The following RPSA2 variants were observed in gnomAD, a reference collection of about 807,000 sequenced individuals.
RPSA2 encodes the protein small ribosomal subunit protein uS2B.
At chr19:23,816,628 T>A in the RPSA2 span, among the ~76,000 whole-genome samples, 1 of 152,340 alleles carries the variant, frequency 6.6e-6, no homozygotes, top group Admixed American at 6.5e-5. Flanking sequence ...ATCTTTATAA[T>A]CATGTTGTCT....
the RPSA2 span, among the ~76,000 whole-genome samples, chr19:23,767,883 C>T: frequency 1.3e-5 from 2 of 150,666 alleles, no homozygotes; most frequent in South Asian, 4.2e-4. Flanking sequence ...TCTCCTGCCT[C>T]AGCCTCCTGA....
the RPSA2 span, among the ~76,000 whole-genome samples, chr19:23,862,363 C>A: frequency 4.0e-5 from 6 of 151,428 alleles, no homozygotes; most frequent in African/African-American, 1.2e-4. Flanking sequence ...ATTGAATACC[C>A]TTTATTTCCT....
the RPSA2 span, among the ~76,000 whole-genome samples, chr19:23,828,997 A>G: frequency 3.3e-5 from 5 of 151,864 alleles, no homozygotes; most frequent in African/African-American, 4.8e-5. Flanking sequence ...CTGTGAATGA[A>G]TCTATTATTT....
At chr19:23,863,483 G>A in the RPSA2 span, among the ~76,000 whole-genome samples, 3 of 148,090 alleles carry the variant, frequency 2.0e-5, no homozygotes, top group Non-Finnish European at 4.4e-5. Flanking sequence ...AGAATCGCTT[G>A]AACTCAGGAG....
chr19:23,785,750 T>G, the RPSA2 span, among the ~76,000 whole-genome samples: 4 of 152,158 alleles, frequency 2.6e-5, no homozygotes, highest in African/African-American at 7.2e-5. Context: ...GTAAAATATA[T>G]TTTGGTCTAG....
chr19:23,869,718 G>A, the RPSA2 span, among the ~76,000 whole-genome samples: 1 of 152,150 alleles, frequency 6.6e-6, no homozygotes, highest in African/African-American at 2.4e-5. Flanking sequence ...TTCCTCAGTG[G>A]CATTATCTAG....
chr19:23,846,409 A>G, the RPSA2 span, among the ~76,000 whole-genome samples: 2 of 152,104 alleles, frequency 1.3e-5, no homozygotes, highest in African/African-American at 4.8e-5. Flanking sequence ...GTGGTTTAAT[A>G]AAATTATGTC....
chr19:23,767,761 GTTTTT>G, the RPSA2 span, among the ~76,000 whole-genome samples: 1 of 73,098 alleles, frequency 1.4e-5, no homozygotes, highest in Admixed American at 1.8e-4. Context: ...TTCAATTTCA[GTTTTT>G]TTTTTTTTTT....
the RPSA2 span, among the ~76,000 whole-genome samples, chr19:23,795,894 C>A: frequency 6.6e-6 from 1 of 152,136 alleles, no homozygotes; most frequent in Non-Finnish European, 1.5e-5. Context: ...CTTTCCACAG[C>A]CTGTAAAGTA....
At chr19:23,841,779 C>T in the RPSA2 span, among the ~76,000 whole-genome samples, 48 of 152,286 alleles carry the variant, frequency 3.2e-4, no homozygotes, top group Admixed American at 7.2e-4. Context: ...CACTCAGTAG[C>T]GGCTGAGAGC....
the RPSA2 span, among the ~76,000 whole-genome samples, chr19:23,760,666 TATA>T: frequency 0.3 from 30,417 of 101,630 alleles, 3,463 homozygotes; most frequent in Non-Finnish European, 0.36. Flanking sequence ...TATATATATA[TATA>T]TTTTTTTTTT....
chr19:23,858,372 T>C, the RPSA2 span, among the ~76,000 whole-genome samples: 1 of 152,258 alleles, frequency 6.6e-6, no homozygotes, highest in South Asian at 2.1e-4. Flanking sequence ...TGCATGTAAC[T>C]AGATTACACT....
At chr19:23,840,925 G>T in the RPSA2 span, among the ~76,000 whole-genome samples, 1 of 142,878 alleles carries the variant, frequency 7.0e-6, no homozygotes, top group South Asian at 2.2e-4. Context: ...TTGCACCATT[G>T]CACTCCAGCC....
the RPSA2 span, among the ~76,000 whole-genome samples, chr19:23,760,669 ATTT>A: frequency 0.033 from 2,746 of 83,236 alleles, 32 homozygotes; most frequent in East Asian, 0.12. Flanking sequence ...ATATATATAT[ATTT>A]TTTTTTTTTT....
At chr19:23,806,909 C>T in the RPSA2 span, among the ~76,000 whole-genome samples, 2 of 151,792 alleles carry the variant, frequency 1.3e-5, no homozygotes, top group Non-Finnish European at 2.9e-5. Context: ...TTGGACTTTC[C>T]ATATAACCGA....
At chr19:23,829,041 A>G in the RPSA2 span, among the ~76,000 whole-genome samples, 1 of 151,866 alleles carries the variant, frequency 6.6e-6, no homozygotes, top group Admixed American at 6.6e-5. Flanking sequence ...TGGAGTTTCA[A>G]TTTCAAGCAC....
the RPSA2 span, among the ~76,000 whole-genome samples, chr19:23,801,477 G>A: frequency 4.6e-5 from 7 of 152,232 alleles, no homozygotes; most frequent in Non-Finnish European, 7.4e-5. Context: ...TCTTGACTTC[G>A]TGATCCACTT....
the RPSA2 span, among the ~76,000 whole-genome samples, chr19:23,839,455 C>T: frequency 1.3e-5 from 2 of 152,178 alleles, no homozygotes; most frequent in Non-Finnish European, 2.9e-5. Flanking sequence ...ACACCCACTG[C>T]ACCCCTCACA....
At chr19:23,805,544 C>G in the RPSA2 span, among the ~76,000 whole-genome samples, 2 of 118,748 alleles carry the variant, frequency 1.7e-5, no homozygotes, top group African/African-American at 6.4e-5. Flanking sequence ...GGCTTTCTGC[C>G]TTTAGGTGTG....
Sources: gnomAD v4.1 joint callset for allele counts (sites outside exome capture counted in the v4.1 genomes callset) on GRCh38, gnomAD v4.1.1 for gene constraint, MANE v1.5 for transcripts, NCBI Gene and HGNC (gene_info 2026-07-23, HGNC 2026-07-21) for gene names.